EYA1: variants seen among roughly 807,000 people sequenced by gnomAD.
EYA1 encodes protein phosphatase EYA1.
A neutral mutation model predicts 82.0 loss-of-function variants in EYA1; 16 were observed. That is an observed-to-expected ratio of 0.20 (90% confidence interval 0.13 to 0.30). The LOEUF is 0.30. EYA1 is among the 10% of genes least tolerant of loss of function. The pLI, the probability that EYA1 is intolerant of heterozygous loss-of-function variation, is 1.00. For missense variants in EYA1, 633 were observed against 730.7 expected (o/e 0.87, Z 1.54); for synonymous variants, 261 against 264.4 (o/e 0.99, Z 0.12).
intron 3 of EYA1, among the ~76,000 whole-genome samples, chr8:71,337,093 C>T (rs1206028953): frequency 3.3e-5 from 5 of 152,138 alleles, no homozygotes; most frequent in Admixed American, 1.3e-4. Context: ...TGATGTAATA[C>T]GGCATCTCTC....
At chr8:71,223,540 C>T (rs1248365292) in intron 12 of EYA1, among the ~76,000 whole-genome samples, 1 of 152,240 alleles carries the variant, frequency 6.6e-6, no homozygotes, top group African/African-American at 2.4e-5. Flanking sequence ...AAACTGCCAA[C>T]ACATGAAGTC....
At chr8:71,489,365 C>T (rs1810819265) in intron 2 of EYA1, among the ~76,000 whole-genome samples, 1 of 151,354 alleles carries the variant, frequency 6.6e-6, no homozygotes, top group Non-Finnish European at 1.5e-5. Context: ...TATTATTGTA[C>T]TATTTATCAT....
chr8:71,328,321 AT>A (rs1285395664), intron 4 of EYA1, among the ~76,000 whole-genome samples: 1 of 152,168 alleles, frequency 6.6e-6, no homozygotes, highest in Non-Finnish European at 1.5e-5. Context: ...TTCATCACTT[AT>A]AAAAGAGAGA....
intron 2 of EYA1, among the ~76,000 whole-genome samples, chr8:71,429,520 G>T (rs1297711384): frequency 1.3e-5 from 2 of 152,036 alleles, no homozygotes; most frequent in Non-Finnish European, 2.9e-5. Flanking sequence ...GGCTGAAAAA[G>T]CAGCACAGAA....
chr8:71,252,445 A>T (rs1249093662), intron 11 of EYA1, among the ~76,000 whole-genome samples: 1 of 152,122 alleles, frequency 6.6e-6, no homozygotes, highest in East Asian at 1.9e-4. Context: ...CTTTCGCTGT[A>T]CTTACTACTC....
At chr8:71,421,546 C>T (rs4439163) in intron 2 of EYA1, among the ~76,000 whole-genome samples, 105,287 of 152,076 alleles carry the variant, frequency 0.69, 37,134 homozygotes, top group African/African-American at 0.75. Context: ...TCAAAACTTA[C>T]ATCTGTCACT....
At chr8:71,527,999 C>G (rs1055779379) in intron 2 of EYA1, among the ~76,000 whole-genome samples, 1 of 152,146 alleles carries the variant, frequency 6.6e-6, no homozygotes, top group African/African-American at 2.4e-5. Context: ...GCCCCCACCC[C>G]TCACACATAA....
intron 2 of EYA1, among the ~76,000 whole-genome samples, chr8:71,451,384 A>C (rs1807360733): frequency 6.6e-6 from 1 of 152,216 alleles, no homozygotes; most frequent in South Asian, 2.1e-4. Context: ...TTCAGAAACT[A>C]TTGGAGAAAA....
chr8:71,272,295 G>T (rs1816641864), intron 9 of EYA1, among the ~76,000 whole-genome samples: 1 of 152,082 alleles, frequency 6.6e-6, no homozygotes, highest in Non-Finnish European at 1.5e-5. Context: ...GCTACAAAAA[G>T]GTTCTGGTGC....
intron 14 of EYA1, among the ~76,000 whole-genome samples, chr8:71,216,400 G>A (rs1023045179): frequency 3.9e-5 from 6 of 152,254 alleles, no homozygotes; most frequent in African/African-American, 1.2e-4. Context: ...CTAATTCTTC[G>A]AAGGATGCTA....
chr8:71,513,016 A>T (rs771231639), intron 2 of EYA1, among the ~76,000 whole-genome samples: 10 of 152,196 alleles, frequency 6.6e-5, no homozygotes, highest in Non-Finnish European at 1.0e-4. Flanking sequence ...AGCATGCAAT[A>T]ACAGAAGGCA....
chr8:71,209,125 G>C (rs557955888), intron 17 of EYA1, among the ~76,000 whole-genome samples: 3 of 152,344 alleles, frequency 2.0e-5, no homozygotes, highest in African/African-American at 7.2e-5. Context: ...GTACAAATCT[G>C]TTCCATCCCT....
intron 2 of EYA1, among the ~76,000 whole-genome samples, chr8:71,519,479 A>G (rs950496650): frequency 6.6e-6 from 1 of 152,122 alleles, no homozygotes; most frequent in African/African-American, 2.4e-5. Context: ...AGAGTTGACT[A>G]AAACCTAACC....
intron 1 of EYA1, among the ~76,000 whole-genome samples, chr8:71,536,275 T>C (rs1052887634): frequency 1.3e-5 from 2 of 152,146 alleles, no homozygotes; most frequent in Non-Finnish European, 2.9e-5. Context: ...CAAAGAAATA[T>C]GATTGTAGTC....
chr8:71,208,323 T>G lies in EYA1; in HGVS notation c.1698+2833A>C, dbSNP rs113192363. Among the ~76,000 whole-genome samples the G allele has an allele frequency of 4.2e-3, 639 of 152,142 alleles. 6 individuals are homozygous for G. The highest frequency in any genetic ancestry group is 0.015 in the African/African-American group (620 of 41,488). On this transcript the variant is annotated intron_variant, in intron 17 of 17. Transcript: ENST00000340726. ...GGCACATGCCTGTAATCCCAGCTAC[T>G]TAGGAGACTGAGGCAGGAGAATCAC... is the stretch of plus-strand genomic sequence containing the variant.
chr8:71,354,424 T>C (rs2129069194), intron 3 of EYA1, among the ~76,000 whole-genome samples: 1 of 152,266 alleles, frequency 6.6e-6, no homozygotes, highest in African/African-American at 2.4e-5. Flanking sequence ...TAATTCCAAG[T>C]TTTCACTGGT....
At chr8:71,519,895 A>G (rs770407734) in intron 2 of EYA1, among the ~76,000 whole-genome samples, 1 of 152,190 alleles carries the variant, frequency 6.6e-6, no homozygotes, top group Non-Finnish European at 1.5e-5. Context: ...AATTAGTTCT[A>G]CTGAACATGA....
intron 2 of EYA1, among the ~76,000 whole-genome samples, chr8:71,446,246 C>T (rs148336213): frequency 0.012 from 1,880 of 152,096 alleles, 15 homozygotes; most frequent in Admixed American, 0.019. Flanking sequence ...GTGTTGAGGG[C>T]GGGTCCTGGT....
rs369299458 is a variant in EYA1 at position 71,408,686 on chromosome 8, A to T, written c.34-52175T>A. Among the ~76,000 whole-genome samples the T allele has an allele frequency of 3.4e-5, 4 of 117,904 alleles. No individual in the cohort carries two copies. In the Admixed American group the frequency reaches 3.5e-4, roughly 10 times the overall value. 77.3% of individuals were successfully genotyped at this position (117,904 alleles called of 152,430 possible). On this transcript the variant is annotated intron_variant, in intron 2 of 18. Transcript: ENST00000643681. ...AAGAGGAGCTAACTATCCTAAATAT[A>T]TATGCACCCAATACAGGAGCACCCA...
Sources: allele counts gnomAD v4.1 joint callset (sites outside exome capture counted in the v4.1 genomes callset), GRCh38; gene constraint gnomAD v4.1.1; transcripts MANE v1.5; gene names NCBI Gene and HGNC (gene_info 2026-07-23, HGNC 2026-07-21).